The following TRMT9B variants were observed in gnomAD, a reference collection of about 807,000 sequenced individuals.
The protein encoded by TRMT9B is tRNA methyltransferase 9B (putative), also known as probable tRNA methyltransferase 9B.
A neutral mutation model predicts 11.5 loss-of-function variants in TRMT9B; 16 were observed. The ratio of observed to expected loss-of-function variants is 1.39; its 90% CI spans 0.94 to 2.11. TRMT9B has a LOEUF of 2.11. Ranked by LOEUF, TRMT9B falls within the 30% of genes most tolerant of loss-of-function variation. TRMT9B has a pLI of 0.00. For missense variants in TRMT9B, 941 were observed against 553.8 expected, an observed-to-expected ratio of 1.70 and a Z score of -7.02; for synonymous variants, 274 against 192.4, an observed-to-expected ratio of 1.42 and a Z score of -3.51.
intron 1 of TRMT9B, among the ~76,000 whole-genome samples, chr8:12,984,197 G>T (rs1805880271): frequency 6.6e-6 from 1 of 152,196 alleles, no homozygotes. Flanking sequence ...AAACAACCAT[G>T]AATTTTGTGT....
intron 2 of TRMT9B, among the ~76,000 whole-genome samples, chr8:12,998,979 T>G (rs137985898): frequency 6.6e-6 from 1 of 152,280 alleles, no homozygotes; most frequent in African/African-American, 2.4e-5. Flanking sequence ...TATCCCTGTT[T>G]CTTTACCCAG....
intron 3 of TRMT9B, chr8:13,007,375 C>T (rs1351863002): frequency 6.6e-6 from 1 of 152,208 alleles, no homozygotes; most frequent in East Asian, 1.9e-4. Context: ...AGGACTAAGA[C>T]TTAAAATGTG....
intron 2 of TRMT9B, among the ~76,000 whole-genome samples, chr8:13,002,288 A>T (rs949830038): frequency 6.6e-6 from 1 of 152,212 alleles, no homozygotes; most frequent in Non-Finnish European, 1.5e-5. Flanking sequence ...AGTGCAACAA[A>T]GAAAAACTTG....
At position 13,012,706 on chromosome 8, in the gene TRMT9B, T is replaced by G. The variant is rs1372098871; in HGVS notation, c.177T>G (p.Leu59=). 1.9e-6 allele frequency: 3 copies of G among 1,613,478 alleles called. No individual in the cohort carries two copies. Among genetic ancestry groups the G allele is most frequent in the Non-Finnish European group, 2.5e-6 (3 of 1,179,642 alleles). Residue 59 remains leucine, a synonymous_variant, in exon 4 of 5, where the codon CTT becomes CTG. Coordinates refer to ENST00000524591, the MANE Select transcript of TRMT9B (RefSeq NM_020844.3). Reference sequence around the variant, plus strand: ...TAGGTTGTGGGACTGGAAAATATCTTAAAGTGAACAGCCAGGTACATACCG... The same window carrying G: ...TAGGTTGTGGGACTGGAAAATATCTGAAAGTGAACAGCCAGGTACATACCG... ...ADIGCGTGKY[L]KVNSQVHTVG...
chr8:13,028,437 C>G lies in TRMT9B; in HGVS notation c.*6393C>G, dbSNP rs1302253969. The stretch of plus-strand genomic sequence containing the variant: ...ATTGATTTTTCTATGAATATTACCT[C>G]CACATTGAAAAACGAGTGAGTCACT... On this transcript the variant is annotated 3_prime_UTR_variant, in exon 5 of 5. Coordinates refer to ENST00000524591, the MANE Select transcript of TRMT9B (RefSeq NM_020844.3). 1.8e-5 allele frequency: 3 copies of G among 166,976 alleles called. No individual in the cohort carries two copies. In the East Asian group the frequency reaches 5.8e-4, roughly 32 times the overall value. 10.3% of individuals were successfully genotyped at this position (166,976 alleles called of 1,614,324 possible).
At chr8:12,993,807 G>A (rs902473924) in intron 2 of TRMT9B, among the ~76,000 whole-genome samples, 1 of 152,224 alleles carries the variant, frequency 6.6e-6, no homozygotes, top group Non-Finnish European at 1.5e-5. Flanking sequence ...TTGTGAAGAA[G>A]CATTCAAGTT....
At chr8:12,962,981 G>A (rs192839220) in intron 1 of TRMT9B, among the ~76,000 whole-genome samples, 110 of 152,314 alleles carry the variant, frequency 7.2e-4, no homozygotes, top group African/African-American at 2.6e-3. Context: ...GTAGCCACAT[G>A]ATTTGGGGGT....
At position 13,019,517 on chromosome 8, in the gene TRMT9B, C is replaced by T. The variant is rs540872891; in HGVS notation, c.329-1491C>T. The stretch of plus-strand genomic sequence containing the variant: ...CCATGTTGCCCAGGCTGGTCTCAAA[C>T]TCCTGGCCTCAAGAGTTCCGCCCAC... On this transcript the variant is annotated intron_variant, in intron 4 of 4. Transcript: ENST00000524591. 4.7e-4 allele frequency among the ~76,000 whole-genome samples: 71 copies of T among 152,310 alleles called. 1 individual carries two copies. Among genetic ancestry groups the T allele is most frequent in the African/African-American group, 1.7e-3 (69 of 41,562 alleles).
intron 4 of TRMT9B, among the ~76,000 whole-genome samples, chr8:13,015,739 C>T (rs1294588006): frequency 1.3e-5 from 2 of 152,120 alleles, no homozygotes; most frequent in Non-Finnish European, 2.9e-5. Context: ...GACCACCTTT[C>T]CTATGCTTGG....
Position 13,022,431 on chromosome 8 carries a change from G to A in TRMT9B, c.*387G>A, listed in dbSNP as rs3739303. The A allele has an allele frequency of 0.17, 29,555 of 174,654 alleles. 2,701 individuals are homozygous for A. The highest frequency in any genetic ancestry group is 0.22 in the African/African-American group (9,353 of 41,608). 10.8% of individuals were successfully genotyped at this position (174,654 alleles called of 1,614,324 possible). ...TAAAACGGTATTTTTATAAAGTGAG[G>A]GGATAATTTCTGGTTCTCAGGTTAT... On this transcript the variant is annotated 3_prime_UTR_variant, in exon 5 of 5. Coordinates refer to ENST00000524591, the MANE Select transcript of TRMT9B (RefSeq NM_020844.3).
intron 4 of TRMT9B, among the ~76,000 whole-genome samples, chr8:13,020,643 G>C (rs1000630141): frequency 6.6e-6 from 1 of 152,072 alleles, no homozygotes; most frequent in African/African-American, 2.4e-5. Flanking sequence ...TCAAATTTTA[G>C]TAATTCACAT....
At chr8:12,995,195 A>T (rs1400560557) in intron 2 of TRMT9B, among the ~76,000 whole-genome samples, 1 of 152,218 alleles carries the variant, frequency 6.6e-6, no homozygotes, top group Non-Finnish European at 1.5e-5. Flanking sequence ...AAGAATTGTT[A>T]ACCTTTGGCA....
Position 13,021,279 on chromosome 8 carries a change from T to A in TRMT9B, c.600T>A (p.Ser200=). 1 of 1,614,004 alleles carries A rather than the reference T, an allele frequency of 6.2e-7. No homozygotes were observed. The highest frequency in any genetic ancestry group is 1.1e-5 in the South Asian group (1 of 91,074). The change falls in exon 5 of 5, where the codon TCT becomes TCA. Residue 200 remains serine, a synonymous_variant. Transcript: ENST00000524591. ...CTCCTTGCTCTGAGTGTAGCTGTTCTGTTTGTTTTAAAGAGCAGTGTGGTT... is the reference window on the plus strand; with the variant it reads ...CTCCTTGCTCTGAGTGTAGCTGTTCAGTTTGTTTTAAAGAGCAGTGTGGTT... ...YHPPCSECSC[S]VCFKEQCGSK...
Position 13,023,529 on chromosome 8 carries a change from C to T in TRMT9B, c.*1485C>T, listed in dbSNP as rs553472. On this transcript the variant is annotated 3_prime_UTR_variant, in exon 5 of 5. Transcript: ENST00000524591. ...ACTGTTTAGATTTGCCCATGGGTCTCTTTAAATCTATGTCATGGATCCTGA... is the reference window on the plus strand; with the variant it reads ...ACTGTTTAGATTTGCCCATGGGTCTTTTTAAATCTATGTCATGGATCCTGA... The T allele has an allele frequency of 1.2e-5, 2 of 167,078 alleles. No individual in the cohort carries two copies. Among genetic ancestry groups the T allele is most frequent in the African/African-American group, 4.8e-5 (2 of 41,440 alleles). The allele number at this position is 167,078 out of a possible 1,614,324, so 10.3% of individuals were successfully genotyped here.
At chr8:13,016,191 G>A (rs1812639948) in intron 4 of TRMT9B, among the ~76,000 whole-genome samples, 4 of 143,242 alleles carry the variant, frequency 2.8e-5, no homozygotes, top group Admixed American at 1.4e-4. Flanking sequence ...ATATAAATGT[G>A]AAATATATAT....
intron 1 of TRMT9B, among the ~76,000 whole-genome samples, chr8:12,982,721 A>G (rs991456836): frequency 6.6e-6 from 1 of 152,082 alleles, no homozygotes; most frequent in Non-Finnish European, 1.5e-5. Flanking sequence ...CAGGTTGGAT[A>G]TTTCTAGTCT....
intron 1 of TRMT9B, among the ~76,000 whole-genome samples, chr8:12,980,341 G>C (rs1215853138): frequency 2.6e-5 from 4 of 152,116 alleles, no homozygotes; most frequent in Non-Finnish European, 5.9e-5. Context: ...TTGGCATGTA[G>C]GGTCCACCCA....
In TRMT9B at chr8:13,021,513, C is replaced by A. The variant is rs773574296; in HGVS notation, c.834C>A (p.Ala278=). The A allele has an allele frequency of 6.2e-7, 1 of 1,613,672 alleles. No homozygotes were observed. Among genetic ancestry groups the A allele is most frequent in the Middle Eastern group, 1.6e-4 (1 of 6,062 alleles). Reference sequence around the variant, plus strand: ...CCTTGAAAAACACAGAAGTTTGGGCCAGTAGCACTGTAACAGTCCAGCCTT... The same window carrying A: ...CCTTGAAAAACACAGAAGTTTGGGCAAGTAGCACTGTAACAGTCCAGCCTT... ...VRPLKNTEVW[A]SSTVTVQPSR... Residue 278 remains alanine (A), a synonymous_variant, in exon 5 of 5, where the codon GCC becomes GCA. Transcript: ENST00000524591.
chr8:13,014,266 T>A (rs373382086), intron 4 of TRMT9B, among the ~76,000 whole-genome samples: 8 of 152,308 alleles, frequency 5.3e-5, no homozygotes, highest in South Asian at 2.1e-4. Context: ...ATTAAGAGGA[T>A]TGTCTTAGCC....
Sources: gnomAD v4.1 joint callset for allele counts (sites outside exome capture counted in the v4.1 genomes callset) on GRCh38, gnomAD v4.1.1 for gene constraint, MANE v1.5 for transcripts, NCBI Gene and HGNC (gene_info 2026-07-23, HGNC 2026-07-21) for gene names.